Variants in METTL16 observed in about 807,000 individuals in gnomAD.
METTL16 encodes the protein RNA N(6)-adenosine-methyltransferase METTL16.
In METTL16, 19 loss-of-function variants were observed where a neutral mutation model predicts 57.9. The ratio of observed to expected loss-of-function variants is 0.33; its 90% CI spans 0.23 to 0.48. The LOEUF is 0.48. Ranked by LOEUF, METTL16 falls within the 20% of genes least tolerant of loss-of-function variation. The pLI is 0.99. For synonymous variants in METTL16, 246 were observed against 255.6 expected (o/e 0.96, Z 0.36); for missense variants, 434 against 691.5 (o/e 0.63, Z 4.18).
intron 7 of METTL16, among the ~76,000 whole-genome samples, chr17:2,439,540 G>T (rs1452018195): frequency 1.3e-5 from 2 of 152,056 alleles, no homozygotes; most frequent in East Asian, 3.9e-4. Context: ...AGAGCTAACT[G>T]CATGGCCCAC....
rs1345083146 is a variant in METTL16, at chr17:2,420,904, A to T, written c.889T>A (p.Ser297Thr). Residue 297 changes from serine (S) to threonine (T), a missense_variant and splice_region_variant, in exon 9 of 10, where the codon TCA becomes ACA. Physicochemically the swap from Ser to Thr is moderately conservative, Grantham distance 58. Transcript: ENST00000263092. The surrounding 1 kb of genome is among the most constrained non-coding windows in gnomAD (Gnocchi z 5.4). The part of the protein sequence containing the change: ...WSFYDDVTVP[S>T]PPSKRRKLEK... ...AATTTTCTTCGCTTACTTGGTGGTG[A>T]CTGCAAGAAAAAGGAAGCATAGAAA... 4 of 1,611,062 alleles carry T rather than the reference A, an allele frequency of 2.5e-6. No homozygotes were observed.
intron 6 of METTL16, among the ~76,000 whole-genome samples, chr17:2,445,137 G>A (rs7219461): frequency 0.096 from 14,563 of 152,032 alleles, 885 homozygotes; most frequent in South Asian, 0.2. Flanking sequence ...GGTGTAAGCC[G>A]CCGTGCTCAG....
At chr17:2,436,835 G>A (rs2066911990) in intron 8 of METTL16, 1 of 151,520 alleles carries the variant, frequency 6.6e-6, no homozygotes, top group African/African-American at 2.4e-5. Context: ...TTTACCTATA[G>A]CAGCACTGAG....
intron 2 of METTL16, among the ~76,000 whole-genome samples, chr17:2,485,508 A>G (rs2067335085): frequency 6.6e-6 from 1 of 152,138 alleles, no homozygotes; most frequent in Non-Finnish European, 1.5e-5. Context: ...TGCTCTACTC[A>G]ATTGTAAACA....
intron 8 of METTL16, 116 bp from the exon 9 acceptor site, chr17:2,421,020 C>T: frequency 8.7e-7 from 1 of 1,147,738 alleles, no homozygotes; most frequent in Non-Finnish European, 1.2e-6. Flanking sequence ...TCATAGAGCA[C>T]TGAAAACACA....
At chr17:2,497,107 G>A (rs1379619308) in intron 2 of METTL16, among the ~76,000 whole-genome samples, 1 of 151,246 alleles carries the variant, frequency 6.6e-6, no homozygotes, top group Non-Finnish European at 1.5e-5. Context: ...CTGGGTTCAA[G>A]CGATTCTCCT....
At chr17:2,477,201 T>C (rs907544471) in intron 3 of METTL16, among the ~76,000 whole-genome samples, 1 of 152,064 alleles carries the variant, frequency 6.6e-6, no homozygotes, top group South Asian at 2.1e-4. Flanking sequence ...ATTAAAAAAA[T>C]AAAATGAAAA....
intron 2 of METTL16, among the ~76,000 whole-genome samples, chr17:2,482,747 T>G (rs376337997): frequency 6.6e-6 from 1 of 151,940 alleles, no homozygotes; most frequent in African/African-American, 2.4e-5. Flanking sequence ...TCTCTACAAA[T>G]AGTACAAAAA....
chr17:2,454,271 A>G (rs778879357), intron 6 of METTL16, among the ~76,000 whole-genome samples: 2 of 152,162 alleles, frequency 1.3e-5, no homozygotes, highest in Non-Finnish European at 2.9e-5. Flanking sequence ...GTGAAGTATA[A>G]TATAGAAAAA....
chr17:2,491,325 C>T (rs7223508), intron 2 of METTL16, among the ~76,000 whole-genome samples: 20,475 of 152,184 alleles, frequency 0.13, 4,482 homozygotes, highest in African/African-American at 0.46. Context: ...CAGAATGACT[C>T]CTGCTCTACC....
At chr17:2,440,994 A>AAAAAAAAAAAAAAAAAAAAAAAAAG (rs1555616313) in intron 7 of METTL16, among the ~76,000 whole-genome samples, 2 of 118,898 alleles carry the variant, frequency 1.7e-5, no homozygotes, top group African/African-American at 4.7e-5. Flanking sequence ...AAAAAAAAAA[A>AAAAAAAAAAAAAAAAAAAAAAAAAG]AAGAAGAAGA....
chr17:2,431,481 TATAA>T (rs1204392016), intron 8 of METTL16, among the ~76,000 whole-genome samples: 1 of 152,212 alleles, frequency 6.6e-6, no homozygotes, highest in African/African-American at 2.4e-5. Context: ...TTCTTTTGGA[TATAA>T]ACTTAGGAGT....
In METTL16 at chr17:2,492,893, G is replaced by A. The variant is rs773114682; in HGVS notation, c.128+9311C>T. On this transcript the variant is annotated intron_variant, in intron 2 of 9. Transcript: ENST00000263092. ...AGCCTGGGCAACAGAGCAAGACTCC[G>A]TCTCAAAAAAAAAAAAAAAAAAACA... is the stretch of plus-strand genomic sequence containing the variant. Among the ~76,000 whole-genome samples, 13 of 47,136 alleles carry A rather than the reference G, an allele frequency of 2.8e-4. No individual in the cohort carries two copies. In the South Asian group the frequency reaches 4.0e-3, roughly 15 times the overall value. The allele number at this position is 47,136 out of a possible 152,430, so 30.9% of individuals were successfully genotyped here.
intron 2 of METTL16, among the ~76,000 whole-genome samples, chr17:2,478,656 A>G (rs2067283430): frequency 1.3e-5 from 2 of 152,144 alleles, no homozygotes; most frequent in Non-Finnish European, 2.9e-5. Flanking sequence ...CTCATTTCCA[A>G]CGTTAGCCTG....
chr17:2,423,365 G>T (rs1331764723), intron 8 of METTL16, among the ~76,000 whole-genome samples: 1 of 151,354 alleles, frequency 6.6e-6, no homozygotes, highest in Non-Finnish European at 1.5e-5. Flanking sequence ...ACCTGAACTT[G>T]TTCAATTATG....
chr17:2,426,333 A>C (rs968286253), intron 8 of METTL16, among the ~76,000 whole-genome samples: 5 of 152,190 alleles, frequency 3.3e-5, no homozygotes, highest in Admixed American at 2.6e-4. Flanking sequence ...CTGCAACTAC[A>C]GGTGCACATC....
chr17:2,476,905 G>A (rs2067272145), intron 3 of METTL16, among the ~76,000 whole-genome samples: 2 of 150,956 alleles, frequency 1.3e-5, no homozygotes, highest in South Asian at 2.1e-4. Flanking sequence ...GCAACGAGTC[G>A]AGACCGTGCT....
intron 5 of METTL16, among the ~76,000 whole-genome samples, chr17:2,464,744 T>A: frequency 6.6e-6 from 1 of 152,140 alleles, no homozygotes. Flanking sequence ...CACCCTTACC[T>A]CATACCATAT....
At chr17:2,463,196 A>G (rs961756504) in intron 6 of METTL16, among the ~76,000 whole-genome samples, 3 of 152,226 alleles carry the variant, frequency 2.0e-5, no homozygotes, top group African/African-American at 7.2e-5. Context: ...TAAACTGCTG[A>G]AAGGACGAGG....
Sources: gnomAD v4.1 joint callset for allele counts (sites outside exome capture counted in the v4.1 genomes callset) on GRCh38, gnomAD v4.1.1 for gene constraint, Gnocchi (gnomAD v3.1) non-coding constraint, MANE v1.5 for transcripts, NCBI Gene and HGNC (gene_info 2026-07-23, HGNC 2026-07-21) for gene names.